The following CDKAL1 variants were observed in gnomAD, a reference collection of about 807,000 sequenced individuals.
The protein encoded by CDKAL1 is CDKAL1 threonylcarbamoyladenosine tRNA methylthiotransferase, also known as threonylcarbamoyladenosine tRNA methylthiotransferase.
CDKAL1 carries 32 observed loss-of-function variants against 68.2 expected under a neutral mutation model. That is an observed-to-expected ratio of 0.47 (90% CI 0.35 to 0.63). The LOEUF is 0.63. CDKAL1 is among the 30% of genes least tolerant of loss of function. The pLI, the probability that CDKAL1 is intolerant of heterozygous loss-of-function variation, is 0.00. For synonymous variants in CDKAL1, 234 were observed against 244.3 expected, an observed-to-expected ratio of 0.96 and a Z score of 0.39; for missense variants, 606 against 696.7, an observed-to-expected ratio of 0.87 and a Z score of 1.47.
chr6:20,622,470 C>T (rs190256944), intron 4 of CDKAL1, among the ~76,000 whole-genome samples: 50 of 152,138 alleles, frequency 3.3e-4, no homozygotes, highest in African/African-American at 1.2e-3. Context: ...ATATATTAGA[C>T]AAAGGGGATG....
At chr6:21,146,008 A>C (rs1776148921) in intron 13 of CDKAL1, among the ~76,000 whole-genome samples, 1 of 152,240 alleles carries the variant, frequency 6.6e-6, no homozygotes, top group Non-Finnish European at 1.5e-5. Flanking sequence ...AGTGGACTAG[A>C]ATGTAACATT....
At chr6:20,758,447 A>G (rs1177813408) in intron 6 of CDKAL1, 148 bp from the exon 7 acceptor site, 17 of 589,140 alleles carry the variant, frequency 2.9e-5, no homozygotes, top group Non-Finnish European at 4.8e-5. Flanking sequence ...TTAATATAGG[A>G]TATTTTTTAT....
intron 9 of CDKAL1, among the ~76,000 whole-genome samples, chr6:20,871,371 C>T (rs1297044983): frequency 6.6e-6 from 1 of 152,172 alleles, no homozygotes; most frequent in Non-Finnish European, 1.5e-5. Flanking sequence ...TATAATTTCT[C>T]ATGGGTGAAA....
At chr6:20,638,007 A>AT in intron 4 of CDKAL1, among the ~76,000 whole-genome samples, 1 of 152,228 alleles carries the variant, frequency 6.6e-6, no homozygotes, top group East Asian at 1.9e-4. Context: ...GTAACCAGTC[A>AT]TTTTTTACGA....
intron 8 of CDKAL1, among the ~76,000 whole-genome samples, chr6:20,807,233 T>A (rs531737311): frequency 2.0e-5 from 3 of 152,264 alleles, no homozygotes; most frequent in Admixed American, 2.0e-4. Flanking sequence ...TTGATTTTTT[T>A]TTTTTTTGAG....
intron 5 of CDKAL1, among the ~76,000 whole-genome samples, chr6:20,672,613 C>A (rs112133815): frequency 6.6e-6 from 1 of 152,126 alleles, no homozygotes; most frequent in African/African-American, 2.4e-5. Context: ...CCTGGGCCTC[C>A]CGCAGTGCTG....
intron 8 of CDKAL1, among the ~76,000 whole-genome samples, chr6:20,827,652 G>A (rs1483505513): frequency 6.6e-6 from 1 of 152,108 alleles, no homozygotes; most frequent in Non-Finnish European, 1.5e-5. Flanking sequence ...AAGTTATGTG[G>A]TTCTGCCTTT....
chr6:20,579,856 A>G (rs1765070254), intron 4 of CDKAL1, among the ~76,000 whole-genome samples: 1 of 152,234 alleles, frequency 6.6e-6, no homozygotes, highest in Admixed American at 6.5e-5. Flanking sequence ...GATAATTTCT[A>G]TAATTCACAA....
chr6:20,609,444 A>G (rs1471037013), intron 4 of CDKAL1, among the ~76,000 whole-genome samples: 1 of 145,906 alleles, frequency 6.9e-6, no homozygotes, highest in Non-Finnish European at 1.5e-5. Flanking sequence ...CACCCAGGCT[A>G]GAATGCAGTG....
At chr6:20,844,522 C>T (rs976935582) in intron 8 of CDKAL1, among the ~76,000 whole-genome samples, 2 of 151,776 alleles carry the variant, frequency 1.3e-5, no homozygotes, top group Non-Finnish European at 2.9e-5. Flanking sequence ...GATAGGGAAA[C>T]CCAACTCTGA....
At chr6:21,156,142 G>T (rs547017278) in intron 13 of CDKAL1, among the ~76,000 whole-genome samples, 10 of 152,108 alleles carry the variant, frequency 6.6e-5, no homozygotes, top group African/African-American at 2.4e-4. Context: ...AAGACTGAGC[G>T]GGGCATGGTG....
chr6:21,226,341 T>C (rs1002686425), intron 15 of CDKAL1, among the ~76,000 whole-genome samples: 1 of 152,036 alleles, frequency 6.6e-6, no homozygotes, highest in East Asian at 1.9e-4. Flanking sequence ...CTTTAACAGA[T>C]TGATTACTTT....
Position 21,141,933 on chromosome 6 carries a change from T to C in CDKAL1, c.1299+33470T>C, listed in dbSNP as rs757503231. Among the ~76,000 whole-genome samples the C allele has an allele frequency of 3.2e-4, 48 of 152,328 alleles. 1 individual carries two copies. The highest frequency in any genetic ancestry group is 2.4e-3 in the Admixed American group (37 of 15,302). On this transcript the variant is annotated intron_variant, in intron 13 of 15. Coordinates refer to ENST00000274695, the MANE Select transcript of CDKAL1 (RefSeq NM_017774.3). Reference sequence around the variant, plus strand: ...ATAATTTTGTGTCTCTTAAATCTTATACTGAAAACATTGGTGCTTGTCTTT... The same window carrying C: ...ATAATTTTGTGTCTCTTAAATCTTACACTGAAAACATTGGTGCTTGTCTTT...
intron 15 of CDKAL1, among the ~76,000 whole-genome samples, chr6:21,218,685 T>C (rs1418116128): frequency 6.6e-6 from 1 of 152,176 alleles, no homozygotes; most frequent in African/African-American, 2.4e-5. Flanking sequence ...ATAGTGCAGC[T>C]CACAGCATGG....
In CDKAL1 at chr6:20,982,907, T is replaced by G. The variant is rs1197796934; in HGVS notation, c.910-17320T>G. ...TCAAGTCTTAAAAGTAAATTTGGCTTCCCAAATGGAACTTTTTCTTCATCT... is the reference window on the plus strand; with the variant it reads ...TCAAGTCTTAAAAGTAAATTTGGCTGCCCAAATGGAACTTTTTCTTCATCT... On this transcript the variant is annotated intron_variant, in intron 10 of 15. Coordinates refer to ENST00000274695, the MANE Select transcript of CDKAL1 (RefSeq NM_017774.3). 2.6e-5 allele frequency among the ~76,000 whole-genome samples: 4 copies of G among 152,204 alleles called. No homozygotes were observed. In the East Asian group the frequency reaches 7.7e-4, roughly 29 times the overall value.
intron 10 of CDKAL1, among the ~76,000 whole-genome samples, chr6:20,957,005 C>A (rs1764808012): frequency 2.0e-5 from 1 of 50,936 alleles, no homozygotes; most frequent in Admixed American, 3.0e-4. Context: ...AAGTGATTCT[C>A]TGTAAAAAAA....
rs7751154 is a variant in CDKAL1 at position 20,766,051 on chromosome 6, A to G, written c.517+7408A>G. ...CATTAAGGCTTTTAGAACACAAATGAATGCCTAAATGAATCCCCCAAGTGG... is the reference window on the plus strand; with the variant it reads ...CATTAAGGCTTTTAGAACACAAATGGATGCCTAAATGAATCCCCCAAGTGG... On this transcript the variant is annotated intron_variant, in intron 7 of 15. Coordinates refer to ENST00000274695, the MANE Select transcript of CDKAL1 (RefSeq NM_017774.3). 4.2e-3 allele frequency among the ~76,000 whole-genome samples: 636 copies of G among 152,098 alleles called. 9 individuals carry two copies. The highest frequency in any genetic ancestry group is 0.014 in the African/African-American group (587 of 41,502).
At chr6:20,729,397 T>C (rs541106852) in intron 5 of CDKAL1, among the ~76,000 whole-genome samples, 8 of 152,336 alleles carry the variant, frequency 5.3e-5, no homozygotes, top group South Asian at 2.1e-4. Context: ...AAAGTAGTTA[T>C]TTACAATTCG....
intron 5 of CDKAL1, among the ~76,000 whole-genome samples, chr6:20,671,803 ATAATGGCTTAC>A (rs1024844977): frequency 2.0e-5 from 3 of 151,968 alleles, no homozygotes; most frequent in Admixed American, 2.0e-4. Context: ...CACAGGTGCA[ATAATGGCTTAC>A]TACAGCCTTG....
Sources: allele counts gnomAD v4.1 joint callset (sites outside exome capture counted in the v4.1 genomes callset), GRCh38; gene constraint gnomAD v4.1.1; transcripts MANE v1.5; gene names NCBI Gene and HGNC (gene_info 2026-07-23, HGNC 2026-07-21).